The following ATXN1 variants were observed in gnomAD, a reference collection of about 807,000 sequenced individuals.
ATXN1 encodes the protein ataxin 1, also known as ataxin-1.
ATXN1 carries 8 observed loss-of-function variants against 56.4 expected under a neutral mutation model. The observed-to-expected ratio is 0.14, with a 90% confidence interval of 0.08 to 0.26. The LOEUF (loss-of-function observed/expected upper bound fraction) is 0.26, where lower values mean the gene tolerates loss of function less well. Ranked by LOEUF, ATXN1 falls within the 10% of genes least tolerant of loss-of-function variation. ATXN1 has a pLI of 1.00. For missense variants in ATXN1, 987 were observed against 1,106.5 expected (o/e 0.89, Z 1.53); for synonymous variants, 514 against 494.6 (o/e 1.04, Z -0.52).
intron 3 of ATXN1, among the ~76,000 whole-genome samples, chr6:16,656,833 C>T (rs1758213417): frequency 6.6e-6 from 1 of 152,094 alleles, no homozygotes; most frequent in Non-Finnish European, 1.5e-5. Flanking sequence ...CTGCGCTATA[C>T]GGTATAGCTT....
intron 4 of ATXN1, among the ~76,000 whole-genome samples, chr6:16,541,404 G>A (rs368297585): frequency 6.6e-6 from 1 of 152,172 alleles, no homozygotes; most frequent in African/African-American, 2.4e-5. Context: ...CAGCTTGAGC[G>A]TCTCTTTCTG....
intron 2 of ATXN1, chr6:16,739,503 A>C: frequency 4.3e-6 from 1 of 232,352 alleles, no homozygotes; most frequent in Non-Finnish European, 9.1e-6. Context: ...GCCAAGATGG[A>C]AAAAAAATGG....
rs538564599 is a variant in ATXN1 at position 16,691,719 on chromosome 6, T to TC, written c.-614-33819dup. On this transcript the variant is annotated intron_variant, in intron 2 of 7. Transcript: ENST00000436367. Reference sequence around the variant, plus strand: ...AAATGTAGTTGAAATAAATGGAAGCTCTAGGCAGTGTGTGGACAGACAGAA... The same window carrying TC: ...AAATGTAGTTGAAATAAATGGAAGCTCCTAGGCAGTGTGTGGACAGACAGAA... Among the ~76,000 whole-genome samples, 53 of 152,294 alleles carry TC rather than the reference T, an allele frequency of 3.5e-4. No homozygotes were observed. The East Asian group carries it at 9.6e-3, about 28-fold the overall frequency.
intron 2 of ATXN1, among the ~76,000 whole-genome samples, chr6:16,709,641 G>A (rs1403276081): frequency 3.9e-5 from 6 of 151,932 alleles, no homozygotes; most frequent in African/African-American, 1.5e-4. Context: ...AATTTTAAGA[G>A]GAAAGAAAAT....
rs1762497960 is a variant in ATXN1 at position 16,579,914 on chromosome 6, C to T, written c.-361+5866G>A. On this transcript the variant is annotated intron_variant, in intron 4 of 7. Transcript: ENST00000436367. ...AAACAAGAGGGACAGCATATAATTG[C>T]CAACTCAAAAAAAAACTACCTTCCC... Among the ~76,000 whole-genome samples the T allele has an allele frequency of 2.0e-5, 3 of 151,674 alleles. No homozygotes were observed. The South Asian group carries it at 6.3e-4, about 32-fold the overall frequency.
Position 16,313,473 on chromosome 6 carries a change from C to T in ATXN1, c.1918-6614G>A, listed in dbSNP as rs148545258. On this transcript the variant is annotated intron_variant, in intron 7 of 7. Transcript: ENST00000436367. ...GCTGTGGTGTGAACCATAGCTAGAA[C>T]AGCCTGCCGAAAAATTCACGAGAGA... Among the ~76,000 whole-genome samples, 463 of 152,178 alleles carry T rather than the reference C, an allele frequency of 3.0e-3. 3 individuals carry two copies. Among genetic ancestry groups the T allele is most frequent in the African/African-American group, 0.011 (443 of 41,520 alleles).
At chr6:16,504,134 CAT>C (rs1760937142) in intron 5 of ATXN1, among the ~76,000 whole-genome samples, 2 of 152,138 alleles carry the variant, frequency 1.3e-5, no homozygotes, top group Admixed American at 1.3e-4. Flanking sequence ...GTGGTTGAGA[CAT>C]GTGGTCAATG....
In ATXN1 at chr6:16,550,104, A is replaced by G. The variant is rs953521388; in HGVS notation, c.-360-27416T>C. ...ATGTATACCTATGCAACAGACCTGC[A>G]TGTTCTACATATGTACCCCAGAACT... On this transcript the variant is annotated intron_variant, in intron 4 of 7. Transcript: ENST00000436367. Among the ~76,000 whole-genome samples the G allele has an allele frequency of 2.0e-5, 3 of 148,162 alleles. No homozygotes were observed. The East Asian group carries it at 6.0e-4, about 30-fold the overall frequency.
At chr6:16,406,036 T>C (rs1758679092) in intron 6 of ATXN1, among the ~76,000 whole-genome samples, 2 of 152,208 alleles carry the variant, frequency 1.3e-5, no homozygotes, top group South Asian at 4.1e-4. Context: ...GAAAATACTA[T>C]AAACCTGTGT....
intron 6 of ATXN1, among the ~76,000 whole-genome samples, chr6:16,348,735 T>C (rs982761275): frequency 6.6e-5 from 10 of 152,150 alleles, no homozygotes; most frequent in African/African-American, 2.4e-4. Context: ...CCTTATTTCA[T>C]GAAGTTGTTA....
intron 3 of ATXN1, among the ~76,000 whole-genome samples, chr6:16,631,105 T>C (rs1274789645): frequency 6.6e-6 from 1 of 152,210 alleles, no homozygotes; most frequent in African/African-American, 2.4e-5. Flanking sequence ...CTGCCGTATG[T>C]GCAGCAGTCC....
chr6:16,640,689 GAAAAA>G (rs796623189), intron 3 of ATXN1, among the ~76,000 whole-genome samples: 1 of 118,164 alleles, frequency 8.5e-6, no homozygotes, highest in Non-Finnish European at 1.9e-5. Context: ...TCTCAAAAAA[GAAAAA>G]AAAAAAAGAA....
At chr6:16,446,181 AC>A (rs1385545977) in intron 6 of ATXN1, among the ~76,000 whole-genome samples, 2 of 151,338 alleles carry the variant, frequency 1.3e-5, no homozygotes, top group Admixed American at 1.3e-4. Context: ...CCTCTCCAGC[AC>A]CTGTTGTTTC....
chr6:16,738,908 A>G (rs894452927), intron 2 of ATXN1: 1 of 152,232 alleles, frequency 6.6e-6, no homozygotes, highest in Non-Finnish European at 1.5e-5. Context: ...ACTTGAATCA[A>G]TTGCTGTATC....
rs1364971104 is a variant in ATXN1 at position 16,400,048 on chromosome 6, C to T, written c.-160-71578G>A. 2.0e-5 allele frequency among the ~76,000 whole-genome samples: 3 copies of T among 152,278 alleles called. No individual in the cohort carries two copies. In the East Asian group the frequency reaches 5.8e-4, roughly 29 times the overall value. ...GGGAAATGCAGAATCTCAGGTCCCACCCAGACTGACAGAACCAGAATGTGC... is the reference window on the plus strand; with the variant it reads ...GGGAAATGCAGAATCTCAGGTCCCATCCAGACTGACAGAACCAGAATGTGC... On this transcript the variant is annotated intron_variant, in intron 6 of 7. Coordinates refer to ENST00000436367, the MANE Select transcript of ATXN1 (RefSeq NM_001128164.2).
chr6:16,578,837 CTA>C (rs1561764122), intron 4 of ATXN1, among the ~76,000 whole-genome samples: 1 of 152,118 alleles, frequency 6.6e-6, no homozygotes, highest in Non-Finnish European at 1.5e-5. Flanking sequence ...ACTGTGGTCA[CTA>C]TATTCCAGCA....
intron 6 of ATXN1, among the ~76,000 whole-genome samples, chr6:16,400,827 T>C (rs1758552648): frequency 6.6e-6 from 1 of 152,138 alleles, no homozygotes; most frequent in Admixed American, 6.6e-5. Context: ...TCAAAGAAGG[T>C]CATGGTCTAC....
chr6:16,440,481 T>C (rs1581763913), intron 6 of ATXN1, among the ~76,000 whole-genome samples: 1 of 145,312 alleles, frequency 6.9e-6, no homozygotes, highest in Non-Finnish European at 1.5e-5. Flanking sequence ...GAAGACCAAA[T>C]AAGAAGGAAC....
rs1334147226 is a variant in ATXN1, at chr6:16,525,393, C to T, written c.-360-2705G>A. Among the ~76,000 whole-genome samples, 3 of 152,218 alleles carry T rather than the reference C, an allele frequency of 2.0e-5. No individual in the cohort carries two copies. The East Asian group carries it at 5.8e-4, about 29-fold the overall frequency. On this transcript the variant is annotated intron_variant, in intron 4 of 7. Transcript: ENST00000436367. ...CAACAACATGGATGGAACGAGAGAT[C>T]ATTATGTTAAGTGAAAAAAGCCAGG...
Sources: allele counts gnomAD v4.1 joint callset (sites outside exome capture counted in the v4.1 genomes callset), GRCh38; gene constraint gnomAD v4.1.1; transcripts MANE v1.5; gene names NCBI Gene and HGNC (gene_info 2026-07-23, HGNC 2026-07-21).